TTLL5: variants seen among roughly 807,000 people sequenced by gnomAD.
TTLL5 encodes the protein tubulin tyrosine ligase like 5.
TTLL5 carries 132 observed loss-of-function variants against 168.4 expected under a neutral mutation model. That is an observed-to-expected ratio of 0.78 (90% CI 0.68 to 0.91). The LOEUF (loss-of-function observed/expected upper bound fraction) is 0.91. Ranked by LOEUF, TTLL5 falls within the 40% of genes least tolerant of loss-of-function variation. The pLI is 0.00. For missense variants in TTLL5, 1,545 were observed against 1,581.5 expected, an observed-to-expected ratio of 0.98 and a Z score of 0.39; for synonymous variants, 546 against 558.6, an observed-to-expected ratio of 0.98 and a Z score of 0.32.
chr14:75,734,747 C>T (rs999910417), intron 14 of TTLL5, among the ~76,000 whole-genome samples: 1 of 152,144 alleles, frequency 6.6e-6, no homozygotes, highest in African/African-American at 2.4e-5. Context: ...GCCAATAGAC[C>T]ACCTTCTGCA....
At chr14:75,942,556 G>T (rs952222757) in intron 31 of TTLL5, among the ~76,000 whole-genome samples, 1 of 152,204 alleles carries the variant, frequency 6.6e-6, no homozygotes, top group Non-Finnish European at 1.5e-5. Flanking sequence ...CAATGATTTA[G>T]ATCGTTTAGG....
chr14:75,731,422 CAG>C (rs1381197842), intron 12 of TTLL5, among the ~76,000 whole-genome samples: 8 of 131,786 alleles, frequency 6.1e-5, no homozygotes, highest in Admixed American at 3.2e-4. Context: ...CACACACACA[CAG>C]GACTGTACAT....
At chr14:75,729,509 A>G (rs1277994979) in intron 12 of TTLL5, among the ~76,000 whole-genome samples, 2 of 150,634 alleles carry the variant, frequency 1.3e-5, no homozygotes, top group African/African-American at 4.8e-5. Flanking sequence ...TATTTTTCTT[A>G]AGCTGAATTG....
intron 18 of TTLL5, chr14:75,757,844 A>G: frequency 2.5e-6 from 4 of 1,593,178 alleles, no homozygotes; most frequent in African/African-American, 1.3e-5. Flanking sequence ...AAACCCAAGA[A>G]GAAGCTTATT....
intron 31 of TTLL5, among the ~76,000 whole-genome samples, chr14:75,934,421 T>C (rs1349736899): frequency 1.3e-5 from 2 of 152,242 alleles, no homozygotes; most frequent in Non-Finnish European, 2.9e-5. Context: ...GCACTCTGAC[T>C]AACTTAATCT....
At chr14:75,699,599 G>T (rs563553828) in intron 7 of TTLL5, among the ~76,000 whole-genome samples, 2 of 152,140 alleles carry the variant, frequency 1.3e-5, no homozygotes, top group Admixed American at 1.3e-4. Context: ...AATTGATAGC[G>T]TATGTGTTTA....
chr14:75,832,507 G>A (rs557766718), intron 28 of TTLL5, among the ~76,000 whole-genome samples: 9 of 152,320 alleles, frequency 5.9e-5, no homozygotes, highest in Non-Finnish European at 7.3e-5. Flanking sequence ...GCCAGCCACA[G>A]GTCCACCTGA....
intron 31 of TTLL5, among the ~76,000 whole-genome samples, chr14:75,927,341 A>T (rs1024837250): frequency 6.6e-6 from 1 of 152,190 alleles, no homozygotes; most frequent in African/African-American, 2.4e-5. Flanking sequence ...GTCTTATTCT[A>T]TTTATTTTTT....
rs959501604 is a variant in TTLL5 at position 75,887,203 on chromosome 14, A to G, written c.3740+4301A>G. On this transcript the variant is annotated intron_variant, in intron 30 of 31. Transcript: ENST00000298832. Reference sequence around the variant, plus strand: ...GGTAGCCTGGTAGCACCAAATCCCAATTAATGTTACCTGAACATGTGGTGA... The same window carrying G: ...GGTAGCCTGGTAGCACCAAATCCCAGTTAATGTTACCTGAACATGTGGTGA... The G allele has an allele frequency of 2.6e-5, 26 of 995,182 alleles. 1 individual carries two copies. In the Admixed American group the frequency reaches 1.2e-3, roughly 48 times the overall value. 61.6% of individuals were successfully genotyped at this position (995,182 alleles called of 1,614,324 possible). A position where few individuals can be genotyped will look rare whatever the true frequency, so the allele number is the denominator to read the frequency against.
At chr14:75,802,574 C>G (rs938360271) in intron 27 of TTLL5, among the ~76,000 whole-genome samples, 3 of 152,168 alleles carry the variant, frequency 2.0e-5, no homozygotes, top group Non-Finnish European at 4.4e-5. Flanking sequence ...CTTTTTATTT[C>G]ATTGTGTTTG....
intron 30 of TTLL5, among the ~76,000 whole-genome samples, chr14:75,894,192 C>T (rs2032543315): frequency 6.6e-6 from 1 of 152,054 alleles, no homozygotes; most frequent in Non-Finnish European, 1.5e-5. Context: ...CTGTAGTGTT[C>T]AAACCAATAG....
At chr14:75,799,678 C>T (rs1462684531) in intron 27 of TTLL5, among the ~76,000 whole-genome samples, 1 of 152,108 alleles carries the variant, frequency 6.6e-6, no homozygotes, top group Non-Finnish European at 1.5e-5. Flanking sequence ...GGCTAATTCT[C>T]TCAGCATTTG....
intron 9 of TTLL5, among the ~76,000 whole-genome samples, chr14:75,717,052 C>T (rs1260992136): frequency 6.6e-6 from 1 of 150,520 alleles, no homozygotes; most frequent in Non-Finnish European, 1.5e-5. Context: ...AGCTCTAAGC[C>T]TACATATAGC....
At chr14:75,889,215 G>A (rs1233900679) in intron 30 of TTLL5, among the ~76,000 whole-genome samples, 3 of 151,984 alleles carry the variant, frequency 2.0e-5, no homozygotes, top group Admixed American at 6.6e-5. Flanking sequence ...AATTGAATTC[G>A]CAAACTAAAA....
intron 29 of TTLL5, 95 bp downstream of exon 29, chr14:75,863,957 G>A (rs1488424224): frequency 3.9e-6 from 5 of 1,279,444 alleles, no homozygotes; most frequent in African/African-American, 3.4e-5. Context: ...AGAAATGTAG[G>A]ATTAGTTTTC....
intron 28 of TTLL5, among the ~76,000 whole-genome samples, chr14:75,824,867 T>C (rs1300189235): frequency 6.6e-6 from 1 of 152,184 alleles, no homozygotes; most frequent in Non-Finnish European, 1.5e-5. Flanking sequence ...ATTCTGAACA[T>C]AGTCCTTTAA....
chr14:75,938,807 G>T (rs1017948710), intron 31 of TTLL5, among the ~76,000 whole-genome samples: 3 of 152,140 alleles, frequency 2.0e-5, no homozygotes, highest in Non-Finnish European at 4.4e-5. Flanking sequence ...ATGCCCCAGA[G>T]GCTTGTCATC....
Position 75,820,015 on chromosome 14 carries a change from C to T in TTLL5, c.3180C>T (p.Asn1060=), listed in dbSNP as rs374567289. ...HINLLTQQVT[N]LNLATGIINR... ...CCTCGCTTTATTTCTAGGTAACAAA[C>T]CTGAATTTGGCAACTGGCATCATAA... The change falls in exon 28 of 32, where the codon AAC becomes AAT. Residue 1060 remains asparagine, a synonymous_variant. Transcript: ENST00000298832. 3 of 1,596,678 alleles carry T rather than the reference C, an allele frequency of 1.9e-6. No homozygotes were observed. The highest frequency in any genetic ancestry group is 4.6e-5 in the East Asian group (2 of 43,460).
chr14:75,669,908 T>C (rs1433457440), intron 3 of TTLL5, among the ~76,000 whole-genome samples: 2 of 152,198 alleles, frequency 1.3e-5, no homozygotes, highest in African/African-American at 4.8e-5. Flanking sequence ...TAAGCAGATA[T>C]CCCCAGCCCC....
Sources: allele counts gnomAD v4.1 joint callset (sites outside exome capture counted in the v4.1 genomes callset), GRCh38; gene constraint gnomAD v4.1.1; transcripts MANE v1.5; gene names NCBI Gene and HGNC (gene_info 2026-07-23, HGNC 2026-07-21).